MAP2: variants seen among roughly 807,000 people sequenced by gnomAD.
The protein encoded by MAP2 is microtubule-associated protein 2.
Under a neutral mutation model 137.6 loss-of-function variants are expected in MAP2, and 14 were observed. The observed-to-expected ratio is 0.10, with a 90% CI of 0.07 to 0.16. The LOEUF is 0.16. Among genes scored for constraint, MAP2 ranks in the 10% least tolerant of loss-of-function variants. The pLI is 1.00. For missense variants in MAP2, 2,088 were observed against 2,191.5 expected, an observed-to-expected ratio of 0.95 and a Z score of 0.94; for synonymous variants, 786 against 782.3, an observed-to-expected ratio of 1.00 and a Z score of -0.08.
At chr2:209,567,882 G>A (rs890494322) in intron 2 of MAP2, among the ~76,000 whole-genome samples, 2 of 151,964 alleles carry the variant, frequency 1.3e-5, no homozygotes, top group African/African-American at 4.8e-5. Flanking sequence ...GATAGAATGA[G>A]CCATGAAGTT....
chr2:209,680,641 T>A lies in MAP2; in HGVS notation c.377-109T>A, dbSNP rs2054164315. 4.3e-6 allele frequency: 4 copies of A among 925,878 alleles called. No individual in the cohort carries two copies. In the South Asian group the frequency reaches 6.0e-5, roughly 14 times the overall value. The allele number at this position is 925,878 out of a possible 1,614,324, so 57.4% of individuals were successfully genotyped here. A position where few individuals can be genotyped will look rare whatever the true frequency, so the allele number is the denominator to read the frequency against. On this transcript the variant is annotated intron_variant, in intron 6 of 15. Transcript: ENST00000682079. ...AAATGCGGCTTACTATTGAATCTTT[T>A]TCTGAATTTTATAGAGAGGTCTTTT...
chr2:209,449,604 A>G (rs1362371210), intron 1 of MAP2, among the ~76,000 whole-genome samples: 2 of 152,198 alleles, frequency 1.3e-5, no homozygotes, highest in Non-Finnish European at 2.9e-5. Context: ...CAAATTAAGC[A>G]TAAAATAAAG....
rs1559157769 is a variant in MAP2, at chr2:209,434,943, G to GTGTTATATATATATGTTATATATATA, written c.-222+10671_-222+10672insATATATATATGTTATATATATATGTT. On this transcript the variant is annotated intron_variant, in intron 1 of 15. Transcript: ENST00000682079. ...TGTTATATATATATGTTATATATAT[G>GTGTTATATATATATGTTATATATATA]TGTTTTATATATATAAAGCAAATCA... Among the ~76,000 whole-genome samples the GTGTTATATATATATGTTATATATATA allele has an allele frequency of 8.2e-4, 106 of 128,824 alleles. 2 individuals are homozygous for GTGTTATATATATATGTTATATATATA. The highest frequency in any genetic ancestry group is 5.7e-3 in the East Asian group (23 of 4,006). 84.5% of individuals were successfully genotyped at this position (128,824 alleles called of 152,430 possible).
intron 1 of MAP2, among the ~76,000 whole-genome samples, chr2:209,450,975 A>T (rs1038623829): frequency 6.6e-6 from 1 of 151,752 alleles, no homozygotes; most frequent in South Asian, 2.1e-4. Context: ...TTATGAAATA[A>T]TTTTTTTTCC....
At chr2:209,664,196 A>G (rs985511294) in intron 5 of MAP2, among the ~76,000 whole-genome samples, 7 of 152,200 alleles carry the variant, frequency 4.6e-5, no homozygotes, top group Non-Finnish European at 8.8e-5. Context: ...CTTTTTGTAT[A>G]TAACACAGTG....
chr2:209,689,837 T>C (rs997612884), intron 7 of MAP2, among the ~76,000 whole-genome samples: 2 of 152,218 alleles, frequency 1.3e-5, no homozygotes, highest in Non-Finnish European at 2.9e-5. Flanking sequence ...AGGTAGACTT[T>C]TGTAAACAGA....
intron 3 of MAP2, among the ~76,000 whole-genome samples, chr2:209,609,199 A>G (rs993794359): frequency 6.6e-6 from 1 of 151,966 alleles, no homozygotes; most frequent in Non-Finnish European, 1.5e-5. Context: ...ACATTTTCCC[A>G]TTGCTCAGGC....
At chr2:209,701,140 G>T (rs1053736089) in intron 11 of MAP2, among the ~76,000 whole-genome samples, 4 of 151,842 alleles carry the variant, frequency 2.6e-5, no homozygotes, top group African/African-American at 9.7e-5. Context: ...AGTTTTTGCT[G>T]CATATTGTCA....
intron 3 of MAP2, among the ~76,000 whole-genome samples, chr2:209,616,956 T>G (rs1035884604): frequency 6.6e-6 from 1 of 152,190 alleles, no homozygotes; most frequent in Admixed American, 6.5e-5. Flanking sequence ...CAGCAAGACC[T>G]GTCTGTTCAG....
intron 4 of MAP2, among the ~76,000 whole-genome samples, chr2:209,649,360 T>A (rs1238832735): frequency 6.6e-6 from 1 of 152,072 alleles, no homozygotes; most frequent in Non-Finnish European, 1.5e-5. Flanking sequence ...TCAAAGAGAT[T>A]TGGGTAAAAA....
intron 1 of MAP2, among the ~76,000 whole-genome samples, chr2:209,484,582 C>T (rs534962568): frequency 7.9e-5 from 12 of 152,154 alleles, no homozygotes; most frequent in African/African-American, 2.4e-4. Context: ...CCCAGCTACT[C>T]GGGAGGCTGA....
At chr2:209,553,095 T>C (rs2069596045) in intron 2 of MAP2, among the ~76,000 whole-genome samples, 1 of 151,348 alleles carries the variant, frequency 6.6e-6, no homozygotes, top group Non-Finnish European at 1.5e-5. Context: ...CACTGCAAGC[T>C]CTGCCTCCCG....
Position 209,593,634 on chromosome 2 carries a change from A to AAAATATAT in MAP2, c.-107+13535_-107+13536insAATATATA, listed in dbSNP as rs1286103137. Among the ~76,000 whole-genome samples the AAAATATAT allele has an allele frequency of 8.9e-5, 3 of 33,644 alleles. 1 individual carries two copies. Among genetic ancestry groups the AAAATATAT allele is most frequent in the Non-Finnish European group, 1.5e-4 (3 of 20,366 alleles). 22.1% of individuals were successfully genotyped at this position (33,644 alleles called of 152,430 possible). A position where few individuals can be genotyped will look rare whatever the true frequency, so the allele number is the denominator to read the frequency against. On this transcript the variant is annotated intron_variant, in intron 3 of 15. Coordinates refer to ENST00000682079, the MANE Select transcript of MAP2 (RefSeq NM_001375505.1). ...CCTGTCTCTACAAAAAAAAAAAAAA[A>AAAATATAT]ATATATATATATATATATATATATA... is the stretch of plus-strand genomic sequence containing the variant.
At chr2:209,676,915 A>G (rs2052044416) in intron 5 of MAP2, among the ~76,000 whole-genome samples, 1 of 151,366 alleles carries the variant, frequency 6.6e-6, no homozygotes, top group African/African-American at 2.4e-5. Flanking sequence ...GTAAGCGGCA[A>G]TTCTCAAAAC....
intron 1 of MAP2, among the ~76,000 whole-genome samples, chr2:209,439,900 A>G (rs1697330584): frequency 6.6e-6 from 1 of 151,516 alleles, no homozygotes; most frequent in African/African-American, 2.4e-5. Flanking sequence ...ATAACATCTT[A>G]CTGACCCCTA....
intron 1 of MAP2, among the ~76,000 whole-genome samples, chr2:209,463,773 C>T (rs1044387852): frequency 6.6e-6 from 1 of 152,118 alleles, no homozygotes; most frequent in African/African-American, 2.4e-5. Context: ...TGTCTCGTCC[C>T]ACTTTCTTTT....
chr2:209,614,079 G>A (rs1469219631), intron 3 of MAP2, among the ~76,000 whole-genome samples: 3 of 151,992 alleles, frequency 2.0e-5, no homozygotes, highest in Admixed American at 6.6e-5. Context: ...TGCAATGCCC[G>A]GGTTCTCTGG....
chr2:209,537,003 G>A (rs190058700), intron 2 of MAP2, among the ~76,000 whole-genome samples: 29 of 152,122 alleles, frequency 1.9e-4, no homozygotes, highest in African/African-American at 6.7e-4. Flanking sequence ...TTTCTAAGTG[G>A]CCCAAGAGTA....
chr2:209,512,161 G>A (rs1459202279), intron 2 of MAP2, among the ~76,000 whole-genome samples: 1 of 152,098 alleles, frequency 6.6e-6, no homozygotes, highest in East Asian at 1.9e-4. Flanking sequence ...ATATTATTAT[G>A]AGTCTTAAAA....
Sources: gnomAD v4.1 joint callset for allele counts (sites outside exome capture counted in the v4.1 genomes callset) on GRCh38, gnomAD v4.1.1 for gene constraint, MANE v1.5 for transcripts, NCBI Gene and HGNC (gene_info 2026-07-23, HGNC 2026-07-21) for gene names.